The following RECQL variants were observed in gnomAD, a reference collection of about 807,000 sequenced individuals.
The protein encoded by RECQL is ATP-dependent DNA helicase Q1.
Under a neutral mutation model 75.8 loss-of-function variants are expected in RECQL, and 73 were observed. The observed-to-expected ratio is 0.96, with a 90% CI of 0.80 to 1.17. The LOEUF (loss-of-function observed/expected upper bound fraction) is 1.17. Among genes scored for constraint, RECQL ranks in the 50% most tolerant of loss-of-function variants. RECQL has a pLI of 0.00. For missense variants in RECQL, 699 were observed against 772.1 expected (o/e 0.91, Z 1.12); for synonymous variants, 248 against 254.4 (o/e 0.97, Z 0.24).
Position 21,473,586 on chromosome 12 carries a change from C to A in RECQL, c.1412G>T (p.Cys471Phe). Residue 471 changes from cysteine (C) to phenylalanine (F), a missense_variant, in exon 12 of 15, where the codon TGT (cysteine) becomes TTT (phenylalanine). Coordinates refer to ENST00000444129, the MANE Select transcript of RECQL (RefSeq NM_002907.4). Reference sequence around the variant, plus strand: ...ACAGCAGTTATCGCACATTTTGTTACATGCTTCTGAGTTCCATACTTCATC... The same window carrying A: ...ACAGCAGTTATCGCACATTTTGTTAAATGCTTCTGAGTTCCATACTTCATC... ...HFDEVWNSEA[C>F]NKMCDNCCKD... 1 of 1,612,892 alleles carries A rather than the reference C, an allele frequency of 6.2e-7. No homozygotes were observed. The highest frequency in any genetic ancestry group is 8.5e-7 in the Non-Finnish European group (1 of 1,179,252).
Position 21,483,404 on chromosome 12 carries a change from A to G in RECQL, c.672T>C (p.Cys224=), listed in dbSNP as rs375449297. ...GTCTGAAATCATGTCCCCACTGACT[A>G]CAGCAGTGAACTTCATCCACAGCAA... The part of the protein sequence containing the change: ...TRIAVDEVHC[C]SQWGHDFRPD... The change falls in exon 6 of 15, where the codon TGT becomes TGC. Residue 224 remains cysteine, a synonymous_variant. Coordinates refer to ENST00000444129, the MANE Select transcript of RECQL (RefSeq NM_002907.4). The G allele has an allele frequency of 5.5e-5, 88 of 1,604,564 alleles. No individual in the cohort carries two copies. The highest frequency in any genetic ancestry group is 7.3e-5 in the Non-Finnish European group (86 of 1,177,068).
chr12:21,478,101 C>A (rs1943121273), intron 6 of RECQL, 132 bp from the exon 7 acceptor site: 6 of 829,024 alleles, frequency 7.2e-6, no homozygotes, highest in Non-Finnish European at 9.0e-6. Flanking sequence ...AGTAAATTTG[C>A]AGTTCTGTGT....
chr12:21,474,383 T>G (rs913529478), intron 11 of RECQL, among the ~76,000 whole-genome samples: 2 of 152,068 alleles, frequency 1.3e-5, no homozygotes, highest in African/African-American at 4.8e-5. Flanking sequence ...CAGAAAGCTT[T>G]CAGGAAGCTA....
Position 21,471,513 on chromosome 12 carries a change from TCA to T in RECQL, c.1580_1581del (p.Leu527GlnfsTer13). 1.9e-6 allele frequency: 3 copies of T among 1,612,864 alleles called. No individual in the cohort carries two copies. The highest frequency in any genetic ancestry group is 1.1e-5 in the South Asian group (1 of 90,934). ...GTGGGAGCCACAACACCTGCTACTC[TCA>T]GTTTTGCTGCACCCTTTCCCATCCA... Reference protein sequence around the residue: ...DSWMGKGAAKLRVAGVVAPTL... With the variant: ...DSWMGKGAAKXRVAGVVAPTL... On this transcript the variant is annotated frameshift_variant, in exon 13 of 15. Coordinates refer to ENST00000444129, the MANE Select transcript of RECQL (RefSeq NM_002907.4). LOFTEE classifies it high-confidence loss of function.
intron 5 of RECQL, 35 bp downstream of exon 5, chr12:21,486,444 T>C: frequency 1.3e-6 from 2 of 1,542,918 alleles, no homozygotes; most frequent in South Asian, 1.3e-5. Flanking sequence ...CAGTGAATAG[T>C]TTACATTAAA....
chr12:21,490,169 C>G (rs1334254453), intron 4 of RECQL, 30 bp downstream of exon 4: 1 of 1,366,724 alleles, frequency 7.3e-7, no homozygotes, highest in Non-Finnish European at 1.0e-6. Context: ...AGCACTTCTT[C>G]AACTCAAAAT....
At chr12:21,490,079 T>C in intron 4 of RECQL, 120 bp downstream of exon 4, 1 of 502,356 alleles carries the variant, frequency 2.0e-6, no homozygotes, top group Non-Finnish European at 3.4e-6. Flanking sequence ...ATAGAAGAAA[T>C]CAAACAAAAA....
chr12:21,480,664 G>C (rs1943176092), intron 6 of RECQL, among the ~76,000 whole-genome samples: 1 of 152,102 alleles, frequency 6.6e-6, no homozygotes, highest in Non-Finnish European at 1.5e-5. Context: ...GCTTCCTGTG[G>C]GCTTGCTTGT....
chr12:21,478,947 C>T (rs1381398278), intron 6 of RECQL, among the ~76,000 whole-genome samples: 1 of 152,168 alleles, frequency 6.6e-6, no homozygotes, highest in African/African-American at 2.4e-5. Flanking sequence ...ACAGCAGACC[C>T]ACAGAGGCGA....
intron 6 of RECQL, among the ~76,000 whole-genome samples, chr12:21,479,469 T>C (rs895404586): frequency 1.3e-5 from 2 of 151,594 alleles, no homozygotes; most frequent in African/African-American, 4.8e-5. Flanking sequence ...TCTCCCGCCT[T>C]AGCCTTTCGA....
chr12:21,487,334 G>A (rs2137393228), intron 4 of RECQL, among the ~76,000 whole-genome samples: 1 of 152,256 alleles, frequency 6.6e-6, no homozygotes, highest in Admixed American at 6.5e-5. Context: ...AAACATGATA[G>A]TTGCATAAGC....
chr12:21,497,854 C>T (rs1943537235), intron 2 of RECQL, among the ~76,000 whole-genome samples: 2 of 152,216 alleles, frequency 1.3e-5, no homozygotes, highest in Non-Finnish European at 2.9e-5. Context: ...ACAGCTCATA[C>T]CAACCTTGAG....
Position 21,476,903 on chromosome 12 carries a change from T to C in RECQL, c.949+8A>G, listed in dbSNP as rs1208362876. On this transcript the variant is annotated splice_region_variant and intron_variant, in intron 8 of 14. Coordinates refer to ENST00000444129, the MANE Select transcript of RECQL (RefSeq NM_002907.4). ...TCTGTCTCCAAAGTTGGTTTGTTTTTACATTACCTGATTGCCCTTTGTATC... is the reference window on the plus strand; with the variant it reads ...TCTGTCTCCAAAGTTGGTTTGTTTTCACATTACCTGATTGCCCTTTGTATC... 1 of 1,595,150 alleles carries C rather than the reference T, an allele frequency of 6.3e-7. No individual in the cohort carries two copies. The highest frequency in any genetic ancestry group is 2.2e-5 in the East Asian group (1 of 44,504).
chr12:21,471,424 A>ATACTT lies in RECQL; in HGVS notation c.1666_1667+3dup, dbSNP rs1208403553. ...GAAAGAATAATGAATGAGTTTGTACATACTTAAGATACTGCTGTATTAGAA... is the reference window on the plus strand; with the variant it reads ...GAAAGAATAATGAATGAGTTTGTACATACTTTACTTAAGATACTGCTGTATTAGAA... On this transcript the variant is annotated splice_donor_region_variant and intron_variant, in intron 13 of 14. Transcript: ENST00000444129. 1.9e-6 allele frequency: 3 copies of ATACTT among 1,606,884 alleles called. No homozygotes were observed. The highest frequency in any genetic ancestry group is 2.7e-5 in the African/African-American group (2 of 74,616).
At chr12:21,498,427 G>A (rs1228754914) in intron 2 of RECQL, among the ~76,000 whole-genome samples, 9 of 152,034 alleles carry the variant, frequency 5.9e-5, no homozygotes, top group East Asian at 5.8e-4. Context: ...TTGAAACATC[G>A]GACTCTTGCT....
intron 6 of RECQL, among the ~76,000 whole-genome samples, chr12:21,480,127 G>C (rs1231764538): frequency 6.6e-6 from 1 of 152,158 alleles, no homozygotes; most frequent in Admixed American, 6.5e-5. Context: ...AGTATGCTGG[G>C]GCTTAAGAAG....
intron 2 of RECQL, among the ~76,000 whole-genome samples, chr12:21,494,606 T>G (rs542108954): frequency 1.2e-4 from 19 of 152,262 alleles, no homozygotes; most frequent in African/African-American, 4.6e-4. Flanking sequence ...CTCTGGAATT[T>G]CCTGGGTATG....
intron 13 of RECQL, 45 bp downstream of exon 13, chr12:21,471,383 A>G: frequency 6.7e-7 from 1 of 1,492,492 alleles, no homozygotes; most frequent in Non-Finnish European, 9.2e-7. Context: ...TTAAAAAAAA[A>G]CCATAAAGAC....
At chr12:21,497,331 T>C (rs551024885) in intron 2 of RECQL, among the ~76,000 whole-genome samples, 4 of 152,208 alleles carry the variant, frequency 2.6e-5, no homozygotes, top group Non-Finnish European at 4.4e-5. Context: ...GAAAAAAAAA[T>C]GCAGACCTAA....
Sources: gnomAD v4.1 joint callset for allele counts (sites outside exome capture counted in the v4.1 genomes callset) on GRCh38, gnomAD v4.1.1 for gene constraint, MANE v1.5 for transcripts, NCBI Gene and HGNC (gene_info 2026-07-23, HGNC 2026-07-21) for gene names.